MCTP2: variants seen among roughly 807,000 people sequenced by gnomAD.
MCTP2 encodes the protein multiple C2 and transmembrane domain-containing protein 2.
MCTP2 carries 132 observed loss-of-function variants against 111.6 expected under a neutral mutation model. The observed-to-expected ratio is 1.18, with a 90% CI of 1.03 to 1.37. MCTP2 has a LOEUF of 1.37. Ranked by LOEUF, MCTP2 falls within the 40% of genes most tolerant of loss-of-function variation. The probability of loss-of-function intolerance (pLI) is 0.00; values close to 1 mark genes in which losing one functional copy is unlikely to be tolerated. For missense variants in MCTP2, 1,183 were observed against 1,067.9 expected, an observed-to-expected ratio of 1.11 and a Z score of -1.50; for synonymous variants, 395 against 387.7, an observed-to-expected ratio of 1.02 and a Z score of -0.22.
chr15:94,300,707 C>G (rs1287077803), intron 2 of MCTP2, among the ~76,000 whole-genome samples: 1 of 151,986 alleles, frequency 6.6e-6, no homozygotes, highest in Non-Finnish European at 1.5e-5. Context: ...GCTGTTGTTG[C>G]AAAATGTTTC....
At chr15:94,451,314 A>C (rs1249914800) in intron 19 of MCTP2, among the ~76,000 whole-genome samples, 1 of 152,176 alleles carries the variant, frequency 6.6e-6, no homozygotes, top group Non-Finnish European at 1.5e-5. Context: ...AACCTTATGA[A>C]ATTTGAAAAA....
At chr15:94,351,937 G>A (rs751092129) in intron 8 of MCTP2, among the ~76,000 whole-genome samples, 1 of 152,238 alleles carries the variant, frequency 6.6e-6, no homozygotes, top group Admixed American at 6.5e-5. Flanking sequence ...ACAGATAAGA[G>A]GCACCACCTG....
At chr15:94,336,500 G>A (rs2077366769) in intron 4 of MCTP2, among the ~76,000 whole-genome samples, 1 of 152,072 alleles carries the variant, frequency 6.6e-6, no homozygotes. Flanking sequence ...CTCGGAAATG[G>A]CCGGAAGCTG....
rs967007594 is a variant in MCTP2 at position 94,417,865 on chromosome 15, G to A, written c.2085+15846G>A. 2.6e-5 allele frequency among the ~76,000 whole-genome samples: 4 copies of A among 152,150 alleles called. No individual in the cohort carries two copies. In the East Asian group the frequency reaches 7.7e-4, roughly 29 times the overall value. The stretch of plus-strand genomic sequence containing the variant: ...TCACTATTGGAGGGTTCCTGAATTC[G>A]GGTACCTTAGTCGGTTTTAAACACA... On this transcript the variant is annotated intron_variant, in intron 17 of 22. Transcript: ENST00000357742.
intron 10 of MCTP2, among the ~76,000 whole-genome samples, chr15:94,362,346 G>A (rs774059627): frequency 2.0e-5 from 3 of 152,110 alleles, no homozygotes; most frequent in Non-Finnish European, 2.9e-5. Flanking sequence ...ATTTCAAGGG[G>A]ATTCTACAGA....
chr15:94,402,881 A>T (rs2081671980), intron 17 of MCTP2: 6 of 1,124,042 alleles, frequency 5.3e-6, no homozygotes, highest in Non-Finnish European at 6.6e-6. Flanking sequence ...AGTCATGATC[A>T]TTGGTGAATC....
chr15:94,237,466 A>C (rs558551752), intron 1 of MCTP2, among the ~76,000 whole-genome samples: 1 of 151,626 alleles, frequency 6.6e-6, no homozygotes, highest in Non-Finnish European at 1.5e-5. Flanking sequence ...ATGCTGCCCA[A>C]ATTCTTATCT....
At chr15:94,330,846 G>A (rs11633512) in intron 4 of MCTP2, among the ~76,000 whole-genome samples, 2 of 151,310 alleles carry the variant, frequency 1.3e-5, no homozygotes, top group Non-Finnish European at 2.9e-5. Flanking sequence ...GCAGTCCCCC[G>A]ACTTTAGCCC....
chr15:94,243,935 A>G (rs1010779551), intron 1 of MCTP2, among the ~76,000 whole-genome samples: 1 of 147,334 alleles, frequency 6.8e-6, no homozygotes, highest in African/African-American at 2.5e-5. Flanking sequence ...ACATATGTGT[A>G]CACATACATA....
intron 17 of MCTP2, among the ~76,000 whole-genome samples, chr15:94,404,304 G>GT (rs796532680): frequency 0.032 from 4,432 of 136,896 alleles, 114 homozygotes; most frequent in South Asian, 0.053. Flanking sequence ...ATTTTTTATT[G>GT]TTTTTTTTTT....
At chr15:94,398,847 C>A in intron 14 of MCTP2, 114 bp from the exon 15 acceptor site, 1 of 610,736 alleles carries the variant, frequency 1.6e-6, no homozygotes, top group Non-Finnish European at 3.0e-6. Flanking sequence ...TTAATGTTTG[C>A]TTCACCTGTG....
At chr15:94,269,560 G>A (rs779483095) in intron 1 of MCTP2, among the ~76,000 whole-genome samples, 1 of 152,130 alleles carries the variant, frequency 6.6e-6, no homozygotes, top group African/African-American at 2.4e-5. Flanking sequence ...AAGCTCTCTC[G>A]TGGACAGAGC....
intron 8 of MCTP2, among the ~76,000 whole-genome samples, chr15:94,345,812 A>G (rs2077948449): frequency 6.6e-6 from 1 of 152,236 alleles, no homozygotes; most frequent in Non-Finnish European, 1.5e-5. Flanking sequence ...AGTATTTGTA[A>G]CTTAATTTAT....
At chr15:94,240,570 AG>A (rs1288881215) in intron 1 of MCTP2, among the ~76,000 whole-genome samples, 1 of 152,182 alleles carries the variant, frequency 6.6e-6, no homozygotes, top group East Asian at 1.9e-4. Flanking sequence ...CCTTCATGAC[AG>A]GGGAGGCCTT....
rs573612414 is a variant in MCTP2 at position 94,447,396 on chromosome 15, T to TG, written c.2250+4436_2250+4437insG. Among the ~76,000 whole-genome samples, 430 of 152,032 alleles carry TG rather than the reference T, an allele frequency of 2.8e-3. 1 individual carries two copies. Among genetic ancestry groups the TG allele is most frequent in the African/African-American group, 9.5e-3 (396 of 41,466 alleles). On this transcript the variant is annotated intron_variant, in intron 19 of 22. Transcript: ENST00000357742. ...ATTTGTGTGTGTGTGTGTGTTGTGT[T>TG]TGTTTGTTTGTTTTTTGAGACAGAG...
chr15:94,385,320 T>C, intron 13 of MCTP2, 103 bp from the exon 14 acceptor site: 1 of 762,976 alleles, frequency 1.3e-6, no homozygotes, highest in Non-Finnish European at 2.3e-6. Flanking sequence ...GTTTATACTC[T>C]AAGGACATAC....
At chr15:94,443,901 T>C (rs900521500) in intron 19 of MCTP2, among the ~76,000 whole-genome samples, 2 of 140,764 alleles carry the variant, frequency 1.4e-5, no homozygotes, top group Non-Finnish European at 3.0e-5. Flanking sequence ...TGATGTTAGC[T>C]AGCGGTTTCT....
chr15:94,280,440 G>A (rs890335897), intron 1 of MCTP2, among the ~76,000 whole-genome samples: 5 of 150,372 alleles, frequency 3.3e-5, no homozygotes, highest in Non-Finnish European at 7.4e-5. Context: ...AATTTCTGTG[G>A]GGTCGTGGGT....
chr15:94,440,134 T>C, intron 17 of MCTP2, 42 bp from the exon 18 acceptor site: 1 of 1,607,108 alleles, frequency 6.2e-7, no homozygotes, highest in Non-Finnish European at 8.5e-7. Context: ...TCCCCTAGTG[T>C]TTTATCAAGC....
Sources: allele counts gnomAD v4.1 joint callset (sites outside exome capture counted in the v4.1 genomes callset), GRCh38; gene constraint gnomAD v4.1.1; transcripts MANE v1.5; gene names NCBI Gene and HGNC (gene_info 2026-07-23, HGNC 2026-07-21).